The following TBCCD1 variants were observed in gnomAD, a reference collection of about 807,000 sequenced individuals.
TBCCD1 encodes TBCC domain-containing protein 1.
A neutral mutation model predicts 53.4 loss-of-function variants in TBCCD1; 26 were observed. The observed-to-expected ratio is 0.49, with a 90% CI of 0.36 to 0.68. TBCCD1 has a LOEUF of 0.68. Ranked by LOEUF, TBCCD1 falls within the 30% of genes least tolerant of loss-of-function variation. The pLI is 0.00. For missense variants in TBCCD1, 558 were observed against 669.5 expected, an observed-to-expected ratio of 0.83 and a Z score of 1.84; for synonymous variants, 245 against 241.7, an observed-to-expected ratio of 1.01 and a Z score of -0.13.
upstream of TBCCD1, among the ~76,000 whole-genome samples, chr3:186,568,703 C>A (rs1714906561): frequency 6.6e-6 from 1 of 151,974 alleles, no homozygotes; most frequent in Non-Finnish European, 1.5e-5. Context: ...GAGTTCGAGA[C>A]CAGCCTGGCC....
intron 4 of TBCCD1, 140 bp downstream of exon 4, chr3:186,556,269 C>A: frequency 2.2e-6 from 2 of 892,810 alleles, no homozygotes; most frequent in South Asian, 4.4e-5. Flanking sequence ...GCACAAAAGA[C>A]AGATGTTCCT....
Position 186,551,379 on chromosome 3 carries a change from GATTA to G in TBCCD1, c.1545-104_1545-101del, listed in dbSNP as rs544180011. The G allele has an allele frequency of 1.3e-3, 1,551 of 1,167,428 alleles. 6 individuals carry two copies. Among genetic ancestry groups the G allele is most frequent in the Middle Eastern group, 4.5e-3 (19 of 4,250 alleles). The allele number at this position is 1,167,428 out of a possible 1,614,324, so 72.3% of individuals were successfully genotyped here. A position where few individuals can be genotyped will look rare whatever the true frequency, so the allele number is the denominator to read the frequency against. ...ATATTTTAATAGGATAATGTTAAAT[GATTA>G]ATTATTTCTTGTTATCCTTTTGTTC... On this transcript the variant is annotated intron_variant, in intron 6 of 7. Coordinates refer to ENST00000338733, the MANE Select transcript of TBCCD1 (RefSeq NM_018138.5).
intron 2 of TBCCD1, among the ~76,000 whole-genome samples, chr3:186,563,218 C>T (rs1387560140): frequency 1.3e-5 from 2 of 152,236 alleles, no homozygotes; most frequent in Non-Finnish European, 1.5e-5. Flanking sequence ...TAAACTGTTA[C>T]TGTTCTAAGC....
chr3:186,567,662 C>G (rs1714880894), upstream of TBCCD1: 1 of 152,270 alleles, frequency 6.6e-6, no homozygotes, highest in Non-Finnish European at 1.5e-5. Flanking sequence ...TTATAGAGCA[C>G]TTACTATGGT....
chr3:186,554,634 G>A lies in TBCCD1; in HGVS notation c.1164C>T (p.Ser388=), dbSNP rs1287910302. 6.2e-7 allele frequency: 1 copy of A among 1,614,074 alleles called. No homozygotes were observed. Among genetic ancestry groups the A allele is most frequent in the Non-Finnish European group, 8.5e-7 (1 of 1,180,040 alleles). Residue 388 remains serine (S), a synonymous_variant, in exon 6 of 8, where the codon TCC becomes TCT. Coordinates refer to ENST00000338733, the MANE Select transcript of TBCCD1 (RefSeq NM_018138.5). ...AGATGCAACCTGTTGTAGAAGAGAT[G>A]GACAAACGATGGCAAACAGCAATGA... ...VKVIAVCHRL[S]ISSTTGCIFH...
Position 186,546,342 on chromosome 3 carries a change from C to G in TBCCD1, c.*635G>C, listed in dbSNP as rs1173857019. 3.3e-5 allele frequency: 5 copies of G among 151,370 alleles called. No homozygotes were observed. In the East Asian group the frequency reaches 9.8e-4, roughly 30 times the overall value. 9.4% of individuals were successfully genotyped at this position (151,370 alleles called of 1,614,324 possible). ...CAAATGAAGATACACACTATAGTTGCAAATCTACACTCAGTTGCTTTAATA... is the reference window on the plus strand; with the variant it reads ...CAAATGAAGATACACACTATAGTTGGAAATCTACACTCAGTTGCTTTAATA... On this transcript the variant is annotated 3_prime_UTR_variant, in exon 8 of 8. Transcript: ENST00000338733.
upstream of TBCCD1, among the ~76,000 whole-genome samples, chr3:186,569,098 C>CT (rs1714926977): frequency 6.6e-6 from 1 of 151,886 alleles, no homozygotes; most frequent in African/African-American, 2.4e-5. Flanking sequence ...AAGGCAATAG[C>CT]TAGCACAAAG....
chr3:186,563,320 A>G (rs1006198253), intron 2 of TBCCD1, among the ~76,000 whole-genome samples: 3 of 152,226 alleles, frequency 2.0e-5, no homozygotes, highest in African/African-American at 7.2e-5. Context: ...GAAATAAATC[A>G]TTCTTTATTC....
chr3:186,552,778 G>C (rs763174086), intron 6 of TBCCD1, among the ~76,000 whole-genome samples: 64 of 152,132 alleles, frequency 4.2e-4, no homozygotes, highest in African/African-American at 1.2e-3. Context: ...TTACTGAGAT[G>C]AAACACACTT....
At position 186,546,489 on chromosome 3, in the gene TBCCD1, G is replaced by C. The variant is rs575886245; in HGVS notation, c.*488C>G. On this transcript the variant is annotated 3_prime_UTR_variant, in exon 8 of 8. Coordinates refer to ENST00000338733, the MANE Select transcript of TBCCD1 (RefSeq NM_018138.5). ...AAAGTCAGAAGTTTAGCGAAAATTC[G>C]GCCTAAACAGTAATAAATGAAAATG... 2 of 152,076 alleles carry C rather than the reference G, an allele frequency of 1.3e-5. No homozygotes were observed. Among genetic ancestry groups the C allele is most frequent in the Non-Finnish European group, 2.9e-5 (2 of 67,982 alleles). The allele number at this position is 152,076 out of a possible 1,614,324, so 9.4% of individuals were successfully genotyped here. A position where few individuals can be genotyped will look rare whatever the true frequency, so the allele number is the denominator to read the frequency against.
At chr3:186,551,898 A>G (rs563665866) in intron 6 of TBCCD1, among the ~76,000 whole-genome samples, 1 of 152,186 alleles carries the variant, frequency 6.6e-6, no homozygotes, top group South Asian at 2.1e-4. Context: ...AATCGCTTGA[A>G]CCCAGGAGGT....
At chr3:186,552,410 C>G (rs1169195293) in intron 6 of TBCCD1, among the ~76,000 whole-genome samples, 1 of 152,132 alleles carries the variant, frequency 6.6e-6, no homozygotes, top group Non-Finnish European at 1.5e-5. Flanking sequence ...CAAAGCCACT[C>G]TGGGATGATG....
At position 186,554,890 on chromosome 3, in the gene TBCCD1, G is replaced by A. The variant is rs1714488009; in HGVS notation, c.1046+8C>T. ...AGAACATCAGAACACCATGAAAACT[G>A]TGCTTACCGTAAGGGAGAGAGCAGA... On this transcript the variant is annotated splice_region_variant and intron_variant, in intron 5 of 7. Coordinates refer to ENST00000338733, the MANE Select transcript of TBCCD1 (RefSeq NM_018138.5). The A allele has an allele frequency of 1.9e-6, 3 of 1,612,834 alleles. No homozygotes were observed. The highest frequency in any genetic ancestry group is 1.1e-5 in the South Asian group (1 of 90,836).
chr3:186,569,957 T>G, upstream of TBCCD1: 2 of 569,870 alleles, frequency 3.5e-6, no homozygotes, highest in South Asian at 2.2e-5. Flanking sequence ...AATAATGGTT[T>G]TTACTCGTTG....
intron 1 of TBCCD1, among the ~76,000 whole-genome samples, chr3:186,565,106 CTTCTTT>C (rs1714789940): frequency 7.3e-6 from 1 of 136,868 alleles, no homozygotes; most frequent in Non-Finnish European, 1.5e-5. Flanking sequence ...CCTTCTTCTT[CTTCTTT>C]TTTTTTTTTT....
In TBCCD1 at chr3:186,554,757, A is replaced by G. The variant is rs779396913; in HGVS notation, c.1047-6T>C. 1.2e-6 allele frequency: 2 copies of G among 1,606,692 alleles called. No individual in the cohort carries two copies. Among genetic ancestry groups the G allele is most frequent in the South Asian group, 1.1e-5 (1 of 89,172 alleles). On this transcript the variant is annotated splice_polypyrimidine_tract_variant and splice_region_variant and intron_variant, in intron 5 of 7. Coordinates refer to ENST00000338733, the MANE Select transcript of TBCCD1 (RefSeq NM_018138.5). ...ACTTCTCAATTGTCACAGATCTGAA[A>G]AAAGGAAAAAATGAGGTAAAGTCCT...
intron 2 of TBCCD1, among the ~76,000 whole-genome samples, chr3:186,558,793 T>G (rs779516320): frequency 6.6e-6 from 1 of 152,046 alleles, no homozygotes; most frequent in Admixed American, 6.6e-5. Flanking sequence ...CAGGCTGGAG[T>G]GCAATGATGC....
At chr3:186,564,813 T>A (rs1714781208) in intron 1 of TBCCD1, among the ~76,000 whole-genome samples, 1 of 152,196 alleles carries the variant, frequency 6.6e-6, no homozygotes, top group South Asian at 2.1e-4. Flanking sequence ...TAGCTGAGCA[T>A]ATAAATTCAA....
intron 1 of TBCCD1, among the ~76,000 whole-genome samples, chr3:186,565,207 T>C (rs762617215): frequency 3.3e-4 from 49 of 150,078 alleles, no homozygotes; most frequent in South Asian, 1.1e-3. Flanking sequence ...ACCTCCCAGG[T>C]TCAAGCGATT....
Sources: gnomAD v4.1 joint callset for allele counts (sites outside exome capture counted in the v4.1 genomes callset) on GRCh38, gnomAD v4.1.1 for gene constraint, MANE v1.5 for transcripts, NCBI Gene and HGNC (gene_info 2026-07-23, HGNC 2026-07-21) for gene names.